PAPPA2: variants seen among roughly 807,000 people sequenced by gnomAD.
The protein encoded by PAPPA2 is pappalysin-2.
In PAPPA2, 86 loss-of-function variants were observed where a neutral mutation model predicts 176.4. That is an observed-to-expected ratio of 0.49 (90% CI 0.41 to 0.58). The LOEUF is 0.58. Ranked by LOEUF, PAPPA2 falls within the 20% of genes least tolerant of loss-of-function variation. The pLI, the probability that PAPPA2 is intolerant of heterozygous loss-of-function variation, is 0.00. For synonymous variants in PAPPA2, 809 were observed against 852.2 expected (o/e 0.95, Z 0.88); for missense variants, 2,073 against 2,256.9 (o/e 0.92, Z 1.65).
intron 21 of PAPPA2, among the ~76,000 whole-genome samples, chr1:176,834,402 G>A (rs1481912968): frequency 3.3e-5 from 5 of 152,192 alleles, no homozygotes; most frequent in African/African-American, 1.2e-4. Flanking sequence ...CCTCCATCCC[G>A]AGGAATGAAG....
chr1:176,621,873 T>G (rs1655620886), intron 3 of PAPPA2, among the ~76,000 whole-genome samples: 1 of 152,094 alleles, frequency 6.6e-6, no homozygotes, highest in Non-Finnish European at 1.5e-5. Context: ...TTGGCCAGAG[T>G]TTTTATTAAT....
rs899792733 is a variant in PAPPA2 at position 176,497,744 on chromosome 1, G to A, written c.-917+34326G>A. ...AGAACAAGTTCTCCAGGTCTCAACA[G>A]TCCTCCACTGCCTAGAGATTTGCAT... is the stretch of plus-strand genomic sequence containing the variant. On this transcript the variant is annotated intron_variant, in intron 1 of 22. Coordinates refer to ENST00000367662, the MANE Select transcript of PAPPA2 (RefSeq NM_020318.3). 2.0e-5 allele frequency among the ~76,000 whole-genome samples: 3 copies of A among 152,144 alleles called. No individual in the cohort carries two copies. In the South Asian group the frequency reaches 6.2e-4, roughly 32 times the overall value.
At chr1:176,714,077 G>A (rs776188629) in intron 12 of PAPPA2, among the ~76,000 whole-genome samples, 12 of 152,014 alleles carry the variant, frequency 7.9e-5, no homozygotes, top group Non-Finnish European at 4.4e-5. Flanking sequence ...CCCCAGCATC[G>A]GGGTGAGACA....
intron 2 of PAPPA2, among the ~76,000 whole-genome samples, chr1:176,586,725 C>T (rs1285132787): frequency 6.6e-6 from 1 of 152,132 alleles, no homozygotes; most frequent in Non-Finnish European, 1.5e-5. Flanking sequence ...CATGTCTTTG[C>T]TATTGTAAAT....
chr1:176,509,685 G>T (rs1305261196), intron 1 of PAPPA2, among the ~76,000 whole-genome samples: 4 of 151,942 alleles, frequency 2.6e-5, no homozygotes, highest in Admixed American at 2.0e-4. Context: ...CAGAAGAATG[G>T]AGGGGGACAG....
chr1:176,653,185 G>C (rs1021546769), intron 3 of PAPPA2, among the ~76,000 whole-genome samples: 2 of 151,624 alleles, frequency 1.3e-5, no homozygotes, highest in African/African-American at 4.8e-5. Context: ...TCTATTCCTT[G>C]TTCCTCCACA....
At chr1:176,476,087 T>C (rs1304540769) in intron 1 of PAPPA2, among the ~76,000 whole-genome samples, 6 of 152,248 alleles carry the variant, frequency 3.9e-5, no homozygotes, top group Non-Finnish European at 5.9e-5. Context: ...TGGATCATTT[T>C]CCATGCCCCT....
At chr1:176,484,626 T>G (rs1652566912) in intron 1 of PAPPA2, among the ~76,000 whole-genome samples, 1 of 152,210 alleles carries the variant, frequency 6.6e-6, no homozygotes, top group African/African-American at 2.4e-5. Context: ...CCATGTCTAG[T>G]CTACTGTTAA....
At chr1:176,776,340 C>T (rs1315185674) in intron 17 of PAPPA2, among the ~76,000 whole-genome samples, 2 of 152,150 alleles carry the variant, frequency 1.3e-5, no homozygotes, top group Non-Finnish European at 2.9e-5. Context: ...ATAAGTCACT[C>T]GTCAAGATGC....
At chr1:176,816,831 T>G (rs1666425127) in intron 21 of PAPPA2, among the ~76,000 whole-genome samples, 1 of 152,166 alleles carries the variant, frequency 6.6e-6, no homozygotes, top group Non-Finnish European at 1.5e-5. Flanking sequence ...AGAGAAGATG[T>G]CTCTTACTTT....
At chr1:176,698,865 G>A (rs1156743251) in intron 7 of PAPPA2, among the ~76,000 whole-genome samples, 1 of 152,130 alleles carries the variant, frequency 6.6e-6, no homozygotes, top group Non-Finnish European at 1.5e-5. Flanking sequence ...ATTCCTGGTG[G>A]GTTTCCTCTT....
rs114905092 is a variant in PAPPA2, at chr1:176,508,516, G to T, written c.-917+45098G>T. Among the ~76,000 whole-genome samples the T allele has an allele frequency of 4.4e-3, 666 of 151,392 alleles. 4 individuals are homozygous for T. The highest frequency in any genetic ancestry group is 0.015 in the African/African-American group (623 of 41,294). On this transcript the variant is annotated intron_variant, in intron 1 of 22. Transcript: ENST00000367662. ...AATTAATAGCCAATTAGACAATGTA[G>T]AAGAAAAAATGGGGAACTTGAAAAC...
At chr1:176,678,979 A>T (rs1247075208) in intron 4 of PAPPA2, among the ~76,000 whole-genome samples, 1 of 152,176 alleles carries the variant, frequency 6.6e-6, no homozygotes, top group Non-Finnish European at 1.5e-5. Context: ...AATAGGTTGT[A>T]TGAAGCATGA....
chr1:176,684,485 C>T (rs1269903295), intron 4 of PAPPA2, among the ~76,000 whole-genome samples: 1 of 152,004 alleles, frequency 6.6e-6, no homozygotes, highest in Non-Finnish European at 1.5e-5. Context: ...TTCAATGTGT[C>T]AGGCAAGAGC....
chr1:176,623,663 CTTTCTTTT>C (rs1205278387), intron 3 of PAPPA2, among the ~76,000 whole-genome samples: 2 of 116,666 alleles, frequency 1.7e-5, no homozygotes, highest in Non-Finnish European at 3.8e-5. Flanking sequence ...TTCTTTCTTT[CTTTCTTTT>C]TCTTTCTTTC....
Position 176,840,156 on chromosome 1 carries a change from T to G in PAPPA2, c.5203-17T>G, listed in dbSNP as rs771072774. ...AATAAGGCTATACTGAGATGTTGCC[T>G]TCTAACCTCCCTACAGCCCTTCCAA... On this transcript the variant is annotated splice_polypyrimidine_tract_variant and intron_variant, in intron 21 of 22. Coordinates refer to ENST00000367662, the MANE Select transcript of PAPPA2 (RefSeq NM_020318.3). The G allele has an allele frequency of 2.5e-6, 4 of 1,600,242 alleles. No individual in the cohort carries two copies. The South Asian group carries it at 4.4e-5, about 18-fold the overall frequency.
At chr1:176,706,338 C>A in intron 9 of PAPPA2, 21 bp from the exon 10 acceptor site, 1 of 1,597,172 alleles carries the variant, frequency 6.3e-7, no homozygotes, top group South Asian at 1.1e-5. Flanking sequence ...GTTATATATG[C>A]ATATATATTT....
rs762087707 is a variant in PAPPA2, at chr1:176,595,163, G to C, written c.1559G>C (p.Arg520Pro). ...CAGTACAATGGATACTGGCCCCTTC[G>C]GGGAGAGAAGGTGATACGCTACCAG... ...ISQYNGYWPLRGEKVIRYQVV... is the reference protein window; with the variant it reads ...ISQYNGYWPLPGEKVIRYQVV... Residue 520 changes from arginine to proline, a missense_variant, in exon 3 of 23, where the codon CGG (arginine) becomes CCG (proline). Physicochemically the swap from Arg to Pro is moderately radical, Grantham distance 103. This residue lies in a region of PAPPA2 where 1,196 missense variants were observed against 1,330.4 expected (regional missense o/e 0.90). Transcript: ENST00000367662. 1 of 1,614,158 alleles carries C rather than the reference G, an allele frequency of 6.2e-7. No individual in the cohort carries two copies. The highest frequency in any genetic ancestry group is 1.1e-5 in the South Asian group (1 of 91,072).
intron 2 of PAPPA2, among the ~76,000 whole-genome samples, chr1:176,588,413 G>A (rs1449160962): frequency 1.3e-5 from 2 of 152,264 alleles, no homozygotes; most frequent in Non-Finnish European, 2.9e-5. Context: ...TCTATCTCTT[G>A]CCTGATTGCC....
Sources: allele counts gnomAD v4.1 joint callset (sites outside exome capture counted in the v4.1 genomes callset), GRCh38; gene constraint gnomAD v4.1.1; regional missense constraint gnomAD v4.1.1; transcripts MANE v1.5; gene names NCBI Gene and HGNC (gene_info 2026-07-23, HGNC 2026-07-21).